The following TEX9 variants were observed in gnomAD, a reference collection of about 807,000 sequenced individuals.
TEX9 encodes testis expressed 9, also known as testis-expressed protein 9.
TEX9 carries 74 observed loss-of-function variants against 59.6 expected under a neutral mutation model. The observed-to-expected ratio is 1.24, with a 90% CI of 1.03 to 1.51. TEX9 has a LOEUF of 1.51. Among genes scored for constraint, TEX9 ranks in the 40% most tolerant of loss-of-function variants. The pLI is 0.00. For missense variants in TEX9, 522 were observed against 447.8 expected (o/e 1.17, Z -1.49); for synonymous variants, 186 against 152.2 (o/e 1.22, Z -1.64).
chr15:56,271,313 T>C (rs1030801992), intron 1 of TEX9, among the ~76,000 whole-genome samples: 1 of 152,328 alleles, frequency 6.6e-6, no homozygotes, highest in South Asian at 2.1e-4. Context: ...GTCCCATATT[T>C]CTTGGAGGCT....
At chr15:56,339,399 A>AAAAAAAAAAAAAAC (rs2046326548) in intron 1 of TEX9, among the ~76,000 whole-genome samples, 1 of 133,388 alleles carries the variant, frequency 7.5e-6, no homozygotes, top group Non-Finnish European at 1.7e-5. Flanking sequence ...AAAAAAAAAA[A>AAAAAAAAAAAAAAC]AAAAAAAAAA....
chr15:56,425,950 A>C (rs75703522), intron 10 of TEX9, among the ~76,000 whole-genome samples: 2,516 of 152,180 alleles, frequency 0.017, 66 homozygotes, highest in African/African-American at 0.057. Context: ...TGTGTGTTTT[A>C]ATTCCAGTTT....
At chr15:56,352,303 G>T (rs1229917078) in intron 1 of TEX9, among the ~76,000 whole-genome samples, 1 of 152,022 alleles carries the variant, frequency 6.6e-6, no homozygotes, top group African/African-American at 2.4e-5. Flanking sequence ...GGAGTGCAAT[G>T]GCGCGATCTT....
chr15:56,245,719 G>T (rs1392799939), intron 1 of TEX9, among the ~76,000 whole-genome samples: 1 of 152,160 alleles, frequency 6.6e-6, no homozygotes, highest in East Asian at 1.9e-4. Context: ...TGTTACAGAT[G>T]AAATGGAAGC....
chr15:56,273,486 A>C (rs2044597388), intron 1 of TEX9, among the ~76,000 whole-genome samples: 1 of 152,068 alleles, frequency 6.6e-6, no homozygotes, highest in Non-Finnish European at 1.5e-5. Flanking sequence ...CATGTTGTAA[A>C]CCCAAAGTAG....
intron 9 of TEX9, chr15:56,395,654 T>A (rs1193938090): frequency 2.0e-5 from 3 of 152,138 alleles, no homozygotes; most frequent in Non-Finnish European, 2.9e-5. Flanking sequence ...TCTTTTTGAT[T>A]ATAGCCATAC....
chr15:56,322,444 T>G (rs1567085312), intron 1 of TEX9, among the ~76,000 whole-genome samples: 1 of 152,102 alleles, frequency 6.6e-6, no homozygotes, highest in Non-Finnish European at 1.5e-5. Flanking sequence ...TTGGAAGAGT[T>G]TTAGTGTGGA....
intron 9 of TEX9, chr15:56,408,848 T>C (rs2049206095): frequency 6.6e-6 from 1 of 152,266 alleles, no homozygotes; most frequent in Non-Finnish European, 1.5e-5. Flanking sequence ...TTATTTAAAC[T>C]ATTATAATAA....
chr15:56,346,048 A>G (rs1173492627), intron 1 of TEX9, among the ~76,000 whole-genome samples: 13 of 152,164 alleles, frequency 8.5e-5, no homozygotes. Context: ...GCCAAATACA[A>G]ATTTGGGAGT....
chr15:56,357,211 A>G (rs555423895), intron 1 of TEX9, among the ~76,000 whole-genome samples: 7 of 152,196 alleles, frequency 4.6e-5, no homozygotes, highest in Non-Finnish European at 7.4e-5. Context: ...ATAACCAAGC[A>G]TGCTTGATCC....
intron 12 of TEX9, chr15:56,429,737 A>G (rs1003924912): frequency 6.6e-6 from 1 of 152,220 alleles, no homozygotes; most frequent in African/African-American, 2.4e-5. Flanking sequence ...TCTTTAAAAC[A>G]AAATTAAATA....
chr15:56,364,778 T>C (rs1365130752), upstream of TEX9, among the ~76,000 whole-genome samples: 2 of 152,224 alleles, frequency 1.3e-5, no homozygotes, highest in African/African-American at 2.4e-5. Context: ...TTTTTGGATG[T>C]CAATTTTATT....
At chr15:56,388,594 C>G in intron 5 of TEX9, 74 bp downstream of exon 5, 1 of 1,317,742 alleles carries the variant, frequency 7.6e-7, no homozygotes, top group South Asian at 1.2e-5. Flanking sequence ...TTTTCTTAGA[C>G]AAAGCAGAGA....
chr15:56,317,010 C>T (rs1235333847), intron 1 of TEX9, among the ~76,000 whole-genome samples: 2 of 152,222 alleles, frequency 1.3e-5, no homozygotes, highest in Non-Finnish European at 2.9e-5. Context: ...TGCTTCTGCT[C>T]GCGCAGGGTG....
chr15:56,324,110 T>C (rs2141718125), intron 1 of TEX9, among the ~76,000 whole-genome samples: 1 of 152,176 alleles, frequency 6.6e-6, no homozygotes, highest in Middle Eastern at 3.4e-3. Context: ...ATGGGGATGG[T>C]AGTGTTTTCA....
chr15:56,282,887 A>G (rs1476749052), intron 1 of TEX9, among the ~76,000 whole-genome samples: 2 of 152,124 alleles, frequency 1.3e-5, no homozygotes, highest in Non-Finnish European at 2.9e-5. Context: ...TTGGAACTGC[A>G]CTAGTTATTT....
chr15:56,307,634 G>A (rs28604556), intron 1 of TEX9, among the ~76,000 whole-genome samples: 55,418 of 152,040 alleles, frequency 0.36, 11,867 homozygotes, highest in Middle Eastern at 0.57. Flanking sequence ...CAATGCAGTG[G>A]TTTTAATGTA....
At chr15:56,299,040 A>G (rs1276894566) in intron 1 of TEX9, among the ~76,000 whole-genome samples, 1 of 152,206 alleles carries the variant, frequency 6.6e-6, no homozygotes, top group Non-Finnish European at 1.5e-5. Context: ...TCTACCCAAT[A>G]AAGCACCTTC....
intron 12 of TEX9, chr15:56,430,056 A>ATATC (rs1212286252): frequency 5.9e-5 from 9 of 152,220 alleles, no homozygotes; most frequent in African/African-American, 2.2e-4. Context: ...AATTACCTAT[A>ATATC]TATCTTTTTC....
Sources: gnomAD v4.1 joint callset for allele counts (sites outside exome capture counted in the v4.1 genomes callset) on GRCh38, gnomAD v4.1.1 for gene constraint, MANE v1.5 for transcripts, NCBI Gene and HGNC (gene_info 2026-07-23, HGNC 2026-07-21) for gene names.